The following OLFML2B variants were observed in gnomAD, a reference collection of about 807,000 sequenced individuals.
OLFML2B encodes the protein olfactomedin like 2B.
A neutral mutation model predicts 74.9 loss-of-function variants in OLFML2B; 57 were observed. The ratio of observed to expected loss-of-function variants is 0.76; its 90% CI spans 0.61 to 0.95. The LOEUF (loss-of-function observed/expected upper bound fraction) is 0.95. Among genes scored for constraint, OLFML2B ranks in the 40% least tolerant of loss-of-function variants. The pLI is 0.00. For synonymous variants in OLFML2B, 388 were observed against 405.8 expected (o/e 0.96, Z 0.53); for missense variants, 986 against 970.6 (o/e 1.02, Z -0.21).
At chr1:162,018,833 T>A (rs1690619522) in intron 2 of OLFML2B, among the ~76,000 whole-genome samples, 1 of 152,202 alleles carries the variant, frequency 6.6e-6, no homozygotes, top group East Asian at 1.9e-4. Context: ...AACTCCTTTC[T>A]CCCTACCAGA....
At position 162,022,241 on chromosome 1, in the gene OLFML2B, C is replaced by CGTCTTT. The variant is rs1690725073; in HGVS notation, c.174+1015_174+1016insAAAGAC. Among the ~76,000 whole-genome samples the CGTCTTT allele has an allele frequency of 4.4e-3, 436 of 98,192 alleles. 2 individuals carry two copies. The highest frequency in any genetic ancestry group is 0.011 in the Middle Eastern group (2 of 180). 64.4% of individuals were successfully genotyped at this position (98,192 alleles called of 152,430 possible). A position where few individuals can be genotyped will look rare whatever the true frequency, so the allele number is the denominator to read the frequency against. On this transcript the variant is annotated intron_variant, in intron 1 of 7. Coordinates refer to ENST00000294794, the MANE Select transcript of OLFML2B (RefSeq NM_015441.3). ...ACGCCCTGGCTCTACCCATGTATCTCTTCTTTTTTTTTTTTTTTTTTTTTT... is the reference window on the plus strand; with the variant it reads ...ACGCCCTGGCTCTACCCATGTATCTCGTCTTTTTCTTTTTTTTTTTTTTTTTTTTTT...
intron 6 of OLFML2B, among the ~76,000 whole-genome samples, chr1:161,992,965 T>TA (rs34466721): frequency 0.58 from 87,757 of 151,864 alleles, 26,281 homozygotes; most frequent in Middle Eastern, 0.68. Context: ...CTTCAGTCTG[T>TA]AAAAAAATGC....
chr1:162,006,313 G>T lies in OLFML2B; in HGVS notation c.707C>A (p.Ala236Asp), dbSNP rs769140685. 1 of 1,595,268 alleles carries T rather than the reference G, an allele frequency of 6.3e-7. No homozygotes were observed. Among genetic ancestry groups the T allele is most frequent in the East Asian group, 2.2e-5 (1 of 44,570 alleles). Residue 236 changes from alanine to aspartate, a missense_variant, in exon 4 of 8, where the codon GCC (alanine) becomes GAC (aspartate). Coordinates refer to ENST00000294794, the MANE Select transcript of OLFML2B (RefSeq NM_015441.3). The stretch of plus-strand genomic sequence containing the variant: ...GGGCTATACCTCTGGGTGGGCGTAG[G>T]CTGCTGCTGCATCCCTCTGCAGGGC... ...RSALQRDAAA[A>D]YAHPEYEERF...
In OLFML2B at chr1:161,983,754, T is replaced by G; in HGVS notation, c.2174A>C (p.Asp725Ala). ...ENEYSYTTQIDYNPKDRLLYA... is the reference protein window; with the variant it reads ...ENEYSYTTQIAYNPKDRLLYA... Reference sequence around the variant, plus strand: ...GAGCAGGCGGTCCTTGGGGTTGTAGTCTATCTGGGTCGTATAGGAATACTC... The same window carrying G: ...GAGCAGGCGGTCCTTGGGGTTGTAGGCTATCTGGGTCGTATAGGAATACTC... The change falls in exon 8 of 8, where the codon GAC (aspartate) becomes GCC (alanine). Residue 725 changes from aspartate to alanine, a missense_variant. By Grantham distance (126) the Asp-to-Ala change is moderately radical. Transcript: ENST00000294794. 1 of 1,613,894 alleles carries G rather than the reference T, an allele frequency of 6.2e-7. No individual in the cohort carries two copies. The highest frequency in any genetic ancestry group is 8.5e-7 in the Non-Finnish European group (1 of 1,179,986).
At chr1:162,013,242 G>A (rs376555182) in intron 3 of OLFML2B, among the ~76,000 whole-genome samples, 3 of 152,028 alleles carry the variant, frequency 2.0e-5, no homozygotes, top group South Asian at 4.1e-4. Context: ...TACACTTCCT[G>A]CATGCCCTTC....
rs1466925680 is a variant in OLFML2B, at chr1:161,983,465, G to T, written c.*210C>A. The T allele has an allele frequency of 3.2e-5, 15 of 469,544 alleles. 1 individual carries two copies. The Admixed American group carries it at 3.5e-4, about 11-fold the overall frequency. The allele number at this position is 469,544 out of a possible 1,614,324, so 29.1% of individuals were successfully genotyped here. A position where few individuals can be genotyped will look rare whatever the true frequency, so the allele number is the denominator to read the frequency against. On this transcript the variant is annotated 3_prime_UTR_variant, in exon 8 of 8. Transcript: ENST00000294794. Reference sequence around the variant, plus strand: ...GTTCATTTGCACAAAAATATAAACTGGGGAGGATGAGACCAGCACATACAC... The same window carrying T: ...GTTCATTTGCACAAAAATATAAACTTGGGAGGATGAGACCAGCACATACAC...
chr1:162,012,424 G>T (rs1194944274), intron 3 of OLFML2B, among the ~76,000 whole-genome samples: 2 of 152,250 alleles, frequency 1.3e-5, no homozygotes, highest in Non-Finnish European at 2.9e-5. Context: ...AGCTTTAGGT[G>T]TGGGGGAGAA....
chr1:162,020,514 T>TTTTC (rs376800530), intron 1 of OLFML2B, among the ~76,000 whole-genome samples: 1 of 151,946 alleles, frequency 6.6e-6, no homozygotes, highest in African/African-American at 2.4e-5. Flanking sequence ...TTAGGCTTTC[T>TTTTC]TTTCTTTCTT....
intron 4 of OLFML2B, among the ~76,000 whole-genome samples, chr1:162,004,168 G>A (rs529150142): frequency 6.6e-6 from 1 of 152,250 alleles, no homozygotes; most frequent in South Asian, 2.1e-4. Flanking sequence ...TGGCTCCACT[G>A]GGCAGCTGAG....
At chr1:161,999,834 T>C (rs1303014725) in intron 5 of OLFML2B, among the ~76,000 whole-genome samples, 1 of 152,106 alleles carries the variant, frequency 6.6e-6, no homozygotes, top group Non-Finnish European at 1.5e-5. Flanking sequence ...CATCTGCAAA[T>C]GGGGAGGACT....
rs1227929151 is a variant in OLFML2B at position 162,017,456 on chromosome 1, G to C, written c.490C>G (p.Leu164Val). ...LEGAFYGLDL[L>V]KLHSVTTKLV... is the part of the protein sequence containing the mutation. ...TTGGTGGTGACTGAATGTAGCTTCA[G>C]GAGATCCAGGCCATAGAACGCTCCT... Residue 164 changes from leucine to valine, a missense_variant, in exon 3 of 8, where the codon CTG (leucine) becomes GTG (valine). Coordinates refer to ENST00000294794, the MANE Select transcript of OLFML2B (RefSeq NM_015441.3). 1 of 1,613,456 alleles carries C rather than the reference G, an allele frequency of 6.2e-7. No homozygotes were observed. The highest frequency in any genetic ancestry group is 1.7e-5 in the Admixed American group (1 of 59,890).
At chr1:161,999,968 G>A in intron 5 of OLFML2B, 145 bp downstream of exon 5, 1 of 661,230 alleles carries the variant, frequency 1.5e-6, no homozygotes, top group South Asian at 2.1e-5. Flanking sequence ...AATGCAGTGA[G>A]AGCTCTGGAT....
At chr1:162,021,123 ACTT>A (rs1309941771) in intron 1 of OLFML2B, among the ~76,000 whole-genome samples, 1 of 152,188 alleles carries the variant, frequency 6.6e-6, no homozygotes, top group African/African-American at 2.4e-5. Context: ...GCCAGGGAAG[ACTT>A]CTTCGAGGAG....
chr1:161,995,501 A>G (rs1469049841), intron 6 of OLFML2B, among the ~76,000 whole-genome samples: 1 of 152,234 alleles, frequency 6.6e-6, no homozygotes, highest in Non-Finnish European at 1.5e-5. Context: ...CAGCATCTCA[A>G]TTAGGCTACT....
At chr1:161,998,604 C>T (rs1010618585) in intron 5 of OLFML2B, among the ~76,000 whole-genome samples, 11 of 151,174 alleles carry the variant, frequency 7.3e-5, no homozygotes, top group Non-Finnish European at 8.9e-5. Flanking sequence ...ACTGGCAGGA[C>T]GCATAGTCAT....
chr1:161,993,176 C>T (rs1689790651), intron 6 of OLFML2B, among the ~76,000 whole-genome samples: 1 of 152,228 alleles, frequency 6.6e-6, no homozygotes, highest in Non-Finnish European at 1.5e-5. Context: ...GCCTTTTGAG[C>T]ACGGGCCCCA....
chr1:162,011,367 G>T (rs1690376145), intron 3 of OLFML2B, among the ~76,000 whole-genome samples: 3 of 152,180 alleles, frequency 2.0e-5, no homozygotes, highest in African/African-American at 7.2e-5. Context: ...CAAGGGGGGA[G>T]GGCTCGTAGT....
chr1:161,997,902 G>C lies in OLFML2B; in HGVS notation c.1397C>G (p.Ala466Gly). Residue 466 changes from alanine (A) to glycine (G), a missense_variant, in exon 6 of 8, where the codon GCT (alanine) becomes GGT (glycine). Transcript: ENST00000294794. ...TVRTDSLGKD[A>G]PAGWGTTPAS... is the part of the protein sequence containing the mutation. ...AGGGGTTGTTCCCCACCCAGCAGGA[G>C]CATCTTTCCCCAGCGAGTCTGTTCT... is the stretch of plus-strand genomic sequence containing the variant. The C allele has an allele frequency of 6.2e-7, 1 of 1,614,216 alleles. No individual in the cohort carries two copies. Among genetic ancestry groups the C allele is most frequent in the Non-Finnish European group, 8.5e-7 (1 of 1,180,038 alleles).
chr1:162,013,634 G>A (rs923050005), intron 3 of OLFML2B, among the ~76,000 whole-genome samples: 3 of 152,016 alleles, frequency 2.0e-5, no homozygotes, highest in Non-Finnish European at 4.4e-5. Flanking sequence ...CTTATCTAAT[G>A]TACCATAGAG....
Sources: gnomAD v4.1 joint callset for allele counts (sites outside exome capture counted in the v4.1 genomes callset) on GRCh38, gnomAD v4.1.1 for gene constraint, MANE v1.5 for transcripts, NCBI Gene and HGNC (gene_info 2026-07-23, HGNC 2026-07-21) for gene names.